IFNAR2: variants seen among roughly 807,000 people sequenced by gnomAD.
IFNAR2 encodes interferon alpha/beta receptor 2.
A neutral mutation model predicts 49.4 loss-of-function variants in IFNAR2; 30 were observed. That is an observed-to-expected ratio of 0.61 (90% CI 0.45 to 0.82). The LOEUF is 0.82. Ranked by LOEUF, IFNAR2 falls within the 40% of genes least tolerant of loss-of-function variation. The pLI is 0.00. For missense variants in IFNAR2, 600 were observed against 622.7 expected, an observed-to-expected ratio of 0.96 and a Z score of 0.39; for synonymous variants, 224 against 234.5, an observed-to-expected ratio of 0.96 and a Z score of 0.41.
At chr21:33,251,239 G>A (rs1987815607) in intron 6 of IFNAR2, among the ~76,000 whole-genome samples, 1 of 152,112 alleles carries the variant, frequency 6.6e-6, no homozygotes, top group Non-Finnish European at 1.5e-5. Context: ...CAGCATGGTA[G>A]GGAGAGAAGC....
intron 1 of IFNAR2, chr21:33,234,798 G>A (rs1313587643): frequency 8.3e-6 from 8 of 961,826 alleles, no homozygotes; most frequent in Non-Finnish European, 9.9e-6. Context: ...TGTTGGCTTC[G>A]CACAGGATGG....
intron 1 of IFNAR2, among the ~76,000 whole-genome samples, chr21:33,241,163 C>T (rs1419177978): frequency 6.6e-6 from 1 of 152,152 alleles, no homozygotes; most frequent in Non-Finnish European, 1.5e-5. Context: ...ATCTATCTAA[C>T]AAAACTGCAC....
intron 1 of IFNAR2, among the ~76,000 whole-genome samples, chr21:33,240,656 G>GT (rs1236466396): frequency 2.6e-5 from 4 of 151,956 alleles, no homozygotes; most frequent in African/African-American, 4.8e-5. Flanking sequence ...CAAAAAAAAG[G>GT]TTTTTTTAAT....
At chr21:33,241,206 G>A (rs927208581) in intron 1 of IFNAR2, among the ~76,000 whole-genome samples, 3 of 152,086 alleles carry the variant, frequency 2.0e-5, no homozygotes, top group South Asian at 2.1e-4. Context: ...TTTAAAAAGC[G>A]TGTATCCTAA....
chr21:33,245,000 G>A lies in IFNAR2; in HGVS notation c.147G>A (p.Arg49=), dbSNP rs1987286608. 1.2e-6 allele frequency: 2 copies of A among 1,610,726 alleles called. No homozygotes were observed. The highest frequency in any genetic ancestry group is 1.7e-6 in the Non-Finnish European group (2 of 1,177,020). ...TCAAGATATCATTGCGAAATTTCCG[G>A]TCCATCTTATCATGGGAATTAAAAA... The part of the protein sequence containing the change: ...CTFKISLRNF[R]SILSWELKNH... The change falls in exon 4 of 9, where the codon CGG becomes CGA. Residue 49 remains arginine (R), a synonymous_variant. Coordinates refer to ENST00000342136, the MANE Select transcript of IFNAR2 (RefSeq NM_001289125.3).
rs775739391 is a variant in IFNAR2, at chr21:33,246,806, GA to G, written c.311del (p.Glu104GlyfsTer7). On this transcript the variant is annotated frameshift_variant, in exon 5 of 9. Coordinates refer to ENST00000342136, the MANE Select transcript of IFNAR2 (RefSeq NM_001289125.3). LOFTEE classifies it high-confidence loss of function. Reference sequence around the variant, plus strand: ...CACAGATGAGTGGAGAAGCACACACGAGGCCTATGTCACCGTCCTAGAAGGA... The same window carrying G: ...CACAGATGAGTGGAGAAGCACACACGGGCCTATGTCACCGTCCTAGAAGGA... ...DLTDEWRSTH[E>X]AYVTVLEGFS... The G allele has an allele frequency of 3.2e-5, 51 of 1,613,854 alleles. No individual in the cohort carries two copies. The highest frequency in any genetic ancestry group is 3.4e-5 in the Non-Finnish European group (40 of 1,179,840).
chr21:33,243,202 C>G (rs914357768), intron 2 of IFNAR2, among the ~76,000 whole-genome samples: 2 of 152,090 alleles, frequency 1.3e-5, no homozygotes, highest in African/African-American at 2.4e-5. Flanking sequence ...CCTGCCTTAG[C>G]CTCCCAAGTA....
intron 3 of IFNAR2, 58 bp downstream of exon 3, chr21:33,243,772 A>G (rs1203435612): frequency 3.4e-6 from 4 of 1,181,556 alleles, no homozygotes; most frequent in Non-Finnish European, 5.1e-6. Context: ...TGTTGGGGCA[A>G]CCATTCAGAG....
rs181597872 is a variant in IFNAR2 at position 33,257,115 on chromosome 21, G to A, written c.710-3482G>A. ...CTGAGCCTGATCCCAAGGGGTTCTCGGAAGCGTGAACTGTATCCTCAAGTC... is the reference window on the plus strand; with the variant it reads ...CTGAGCCTGATCCCAAGGGGTTCTCAGAAGCGTGAACTGTATCCTCAAGTC... On this transcript the variant is annotated intron_variant, in intron 7 of 8. Transcript: ENST00000342136. Among the ~76,000 whole-genome samples, 612 of 152,280 alleles carry A rather than the reference G, an allele frequency of 4.0e-3. 2 individuals are homozygous for A. The highest frequency in any genetic ancestry group is 6.9e-3 in the Admixed American group (105 of 15,298).
At chr21:33,244,768 C>T (rs546991624) in intron 3 of IFNAR2, among the ~76,000 whole-genome samples, 183 bp from the exon 4 acceptor site, 4 of 152,266 alleles carry the variant, frequency 2.6e-5, no homozygotes, top group South Asian at 2.1e-4. Context: ...ATATGTTGCT[C>T]GTTAATTGAC....
At chr21:33,250,676 T>G (rs1371845974) in intron 6 of IFNAR2, among the ~76,000 whole-genome samples, 1 of 152,112 alleles carries the variant, frequency 6.6e-6, no homozygotes, top group East Asian at 1.9e-4. Flanking sequence ...TAGCTGGGAT[T>G]ACAGGCACCC....
intron 2 of IFNAR2, among the ~76,000 whole-genome samples, chr21:33,242,728 C>CAAAAAAAAAA (rs1182507309): frequency 2.1e-5 from 1 of 48,586 alleles, no homozygotes. Context: ...GACTCTGTCT[C>CAAAAAAAAAA]AAAAAAAAAA....
intron 3 of IFNAR2, among the ~76,000 whole-genome samples, chr21:33,244,428 C>G (rs1452723180): frequency 6.6e-6 from 1 of 152,126 alleles, no homozygotes; most frequent in African/African-American, 2.4e-5. Context: ...TAGAAAGGGC[C>G]AGTCTGGGCT....
At chr21:33,254,976 G>A (rs1005881653) in intron 7 of IFNAR2, among the ~76,000 whole-genome samples, 1 of 152,162 alleles carries the variant, frequency 6.6e-6, no homozygotes, top group Admixed American at 6.5e-5. Context: ...AGTGAGCCAC[G>A]GAACGTTGCC....
At chr21:33,261,063 G>GTTTGTTTTTT in intron 8 of IFNAR2, among the ~76,000 whole-genome samples, 1 of 88,852 alleles carries the variant, frequency 1.1e-5, no homozygotes. Flanking sequence ...TTTTGAGACA[G>GTTTGTTTTTT]TCTCACTCTG....
At chr21:33,237,562 A>G (rs528468267) in intron 1 of IFNAR2, among the ~76,000 whole-genome samples, 3 of 152,294 alleles carry the variant, frequency 2.0e-5, no homozygotes, top group South Asian at 2.1e-4. Flanking sequence ...CCCTTCTACA[A>G]TCTGGATGTG....
intron 1 of IFNAR2, among the ~76,000 whole-genome samples, chr21:33,235,906 G>A (rs1344760468): frequency 6.6e-6 from 1 of 151,774 alleles, no homozygotes; most frequent in Admixed American, 6.6e-5. Context: ...CAGCCTGGGG[G>A]ACAGAGTGAG....
At chr21:33,246,594 G>T in intron 4 of IFNAR2, 124 bp from the exon 5 acceptor site, 5 of 679,878 alleles carry the variant, frequency 7.4e-6, no homozygotes, top group Non-Finnish European at 1.2e-5. Context: ...GGTTGGGGAA[G>T]ATCACTTAAT....
rs1481045803 is a variant in IFNAR2, at chr21:33,230,078, T to A, written c.-222T>A. 2.0e-6 allele frequency: 2 copies of A among 987,566 alleles called. No homozygotes were observed. Among genetic ancestry groups the A allele is most frequent in the Non-Finnish European group, 2.4e-6 (2 of 831,038 alleles). 61.2% of individuals were successfully genotyped at this position (987,566 alleles called of 1,614,324 possible). A position where few individuals can be genotyped will look rare whatever the true frequency, so the allele number is the denominator to read the frequency against. ...CCACCACCCGGCCGCACGGGCCGCT[T>A]TTGTCCCCCGCCCGCCGCTTCTGTC... On this transcript the variant is annotated 5_prime_UTR_variant, in exon 1 of 9. Coordinates refer to ENST00000342136, the MANE Select transcript of IFNAR2 (RefSeq NM_001289125.3). This position sits in a 1 kb window ranked among gnomAD's most constrained non-coding sequence, Gnocchi z 5.5.
Sources: gnomAD v4.1 joint callset for allele counts (sites outside exome capture counted in the v4.1 genomes callset) on GRCh38, gnomAD v4.1.1 for gene constraint, Gnocchi (gnomAD v3.1) non-coding constraint, MANE v1.5 for transcripts, NCBI Gene and HGNC (gene_info 2026-07-23, HGNC 2026-07-21) for gene names.